The following DHX9 variants were observed in gnomAD, a reference collection of about 807,000 sequenced individuals.
DHX9 encodes ATP-dependent RNA helicase A.
A neutral mutation model predicts 148.7 loss-of-function variants in DHX9; 27 were observed. The observed-to-expected ratio is 0.18, with a 90% confidence interval of 0.13 to 0.25. The LOEUF (loss-of-function observed/expected upper bound fraction) is 0.25. DHX9 is among the 10% of genes least tolerant of loss of function. The probability of loss-of-function intolerance (pLI) is 1.00; values close to 1 mark genes in which losing one functional copy is unlikely to be tolerated. For synonymous variants in DHX9, 529 were observed against 516.6 expected, an observed-to-expected ratio of 1.02 and a Z score of -0.33; for missense variants, 796 against 1,559.6, an observed-to-expected ratio of 0.51 and a Z score of 8.25.
intron 12 of DHX9, among the ~76,000 whole-genome samples, chr1:182,862,126 G>A (rs759396435): frequency 7.2e-5 from 11 of 152,178 alleles, no homozygotes; most frequent in Non-Finnish European, 1.3e-4. Context: ...TACTACCACT[G>A]TTGAATCATT....
chr1:182,878,577 T>A (rs1303079616), intron 20 of DHX9, among the ~76,000 whole-genome samples: 1 of 152,240 alleles, frequency 6.6e-6, no homozygotes. Context: ...GAACAGTGTA[T>A]GGCACATCAT....
intron 1 of DHX9, 41 bp from the exon 2 acceptor site, chr1:182,842,504 C>T: frequency 1.7e-6 from 2 of 1,185,766 alleles, no homozygotes; most frequent in East Asian, 5.1e-5. Flanking sequence ...CCAGTTTTTG[C>T]TATTATAAAT....
At chr1:182,851,624 TC>T (rs1668152347) in intron 3 of DHX9, among the ~76,000 whole-genome samples, 1 of 152,040 alleles carries the variant, frequency 6.6e-6, no homozygotes, top group South Asian at 2.1e-4. Context: ...AGATCTCAGT[TC>T]TTCATCCTAA....
At chr1:182,884,978 CAG>C (rs1649259820) in intron 27 of DHX9, among the ~76,000 whole-genome samples, 165 bp downstream of exon 27, 1 of 152,104 alleles carries the variant, frequency 6.6e-6, no homozygotes. Context: ...CTAACATACT[CAG>C]AACAAAGAAT....
At position 182,852,340 on chromosome 1, in the gene DHX9, A is replaced by C. The variant is rs1668168286; in HGVS notation, c.360A>C (p.Lys120Asn). 1.2e-6 allele frequency: 2 copies of C among 1,607,358 alleles called. No homozygotes were observed. The highest frequency in any genetic ancestry group is 1.7e-6 in the Non-Finnish European group (2 of 1,175,820). The change falls in exon 4 of 28, where the codon AAA becomes AAC. Residue 120 changes from lysine (K) to asparagine (N), a missense_variant. By Grantham distance (94) the Lys-to-Asn change is moderately conservative (BLOSUM62 0). Coordinates refer to ENST00000367549, the MANE Select transcript of DHX9 (RefSeq NM_001357.5). ...CTCTTCCTCCACATCTGGCTCTCAA[A>C]GCAGGTAAGGGACTTGAATCCATGC... ...GGPLPPHLAL[K>N]AENNSEVGAS... is the part of the protein sequence containing the mutation.
chr1:182,853,434 T>G lies in DHX9; in HGVS notation c.477+16T>G. ...AGTGCAAGCGGTAAGGCCAGCACCG[T>G]AGGTTACATCTCTGAGAATGTGATT... On this transcript the variant is annotated intron_variant, in intron 5 of 27. Coordinates refer to ENST00000367549, the MANE Select transcript of DHX9 (RefSeq NM_001357.5). 1.9e-6 allele frequency: 3 copies of G among 1,569,678 alleles called. No individual in the cohort carries two copies. The highest frequency in any genetic ancestry group is 2.6e-6 in the Non-Finnish European group (3 of 1,144,082).
rs1176826407 is a variant in DHX9, at chr1:182,878,075, A to G, written c.2253A>G (p.Val751=). 1 of 1,614,250 alleles carries G rather than the reference A, an allele frequency of 6.2e-7. No homozygotes were observed. The highest frequency in any genetic ancestry group is 1.1e-5 in the South Asian group (1 of 91,088). The part of the protein sequence containing the change: ...AHNNMTNYAT[V]WASKTNLEQR... The stretch of plus-strand genomic sequence containing the variant: ...ACAATATGACCAACTATGCTACCGT[A>G]TGGGCATCAAAAACAAACCTTGAGC... Residue 751 remains valine (V), a synonymous_variant, in exon 20 of 28, where the codon GTA becomes GTG. Coordinates refer to ENST00000367549, the MANE Select transcript of DHX9 (RefSeq NM_001357.5).
chr1:182,843,534 A>G (rs1035739117), intron 3 of DHX9, 100 bp downstream of exon 3: 2 of 1,196,196 alleles, frequency 1.7e-6, no homozygotes, highest in Non-Finnish European at 2.2e-6. Flanking sequence ...CTGTTTTCAG[A>G]TATATCGTGT....
intron 15 of DHX9, among the ~76,000 whole-genome samples, 160 bp downstream of exon 15, chr1:182,872,653 A>T (rs1053975935): frequency 2.6e-5 from 4 of 152,196 alleles, no homozygotes; most frequent in African/African-American, 9.7e-5. Context: ...CTCTTCTGTT[A>T]TTTTATACAG....
intron 14 of DHX9, among the ~76,000 whole-genome samples, chr1:182,870,695 A>G (rs1648521718): frequency 6.6e-6 from 1 of 152,242 alleles, no homozygotes; most frequent in Non-Finnish European, 1.5e-5. Context: ...AGAGTTTTTC[A>G]TACACTGAAG....
At chr1:182,871,922 T>C (rs754355297) in intron 14 of DHX9, among the ~76,000 whole-genome samples, 18 of 152,152 alleles carry the variant, frequency 1.2e-4, no homozygotes, top group Non-Finnish European at 2.4e-4. Context: ...TTATCCTGCC[T>C]CAGTCTCCTG....
intron 14 of DHX9, among the ~76,000 whole-genome samples, chr1:182,868,112 A>G (rs1648382242): frequency 6.6e-6 from 1 of 152,240 alleles, no homozygotes; most frequent in African/African-American, 2.4e-5. Flanking sequence ...TAGGAGTTGT[A>G]TGCCAGGAAA....
At chr1:182,855,488 A>G (rs1668237964) in intron 6 of DHX9, 1 of 928,230 alleles carries the variant, frequency 1.1e-6, no homozygotes. Context: ...GTCTGTGTTC[A>G]TACACACATG....
At chr1:182,878,659 G>A (rs1038543522) in intron 20 of DHX9, among the ~76,000 whole-genome samples, 1 of 152,120 alleles carries the variant, frequency 6.6e-6, no homozygotes, top group African/African-American at 2.4e-5. Context: ...GAAATGCTTG[G>A]GACCAGAAGT....
chr1:182,849,420 T>C (rs1332047014), intron 3 of DHX9, among the ~76,000 whole-genome samples: 2 of 152,216 alleles, frequency 1.3e-5, no homozygotes, highest in Non-Finnish European at 2.9e-5. Context: ...AAAAAAAGTA[T>C]TATAATCAAA....
At chr1:182,870,064 TACAC>T (rs1300279238) in intron 14 of DHX9, among the ~76,000 whole-genome samples, 1 of 152,320 alleles carries the variant, frequency 6.6e-6, no homozygotes, top group African/African-American at 2.4e-5. Context: ...TTTTTATACT[TACAC>T]AAATAACTAG....
intron 14 of DHX9, among the ~76,000 whole-genome samples, chr1:182,871,325 C>G (rs1648545840): frequency 6.6e-6 from 1 of 152,102 alleles, no homozygotes; most frequent in Non-Finnish European, 1.5e-5. Flanking sequence ...ATCTAGATCA[C>G]AACAAGACAC....
At chr1:182,845,588 A>T (rs556554561) in intron 3 of DHX9, among the ~76,000 whole-genome samples, 1 of 152,188 alleles carries the variant, frequency 6.6e-6, no homozygotes, top group Non-Finnish European at 1.5e-5. Flanking sequence ...CTCCAGTTCA[A>T]CTCTGACACT....
chr1:182,882,795 G>T (rs1416157247), intron 24 of DHX9, among the ~76,000 whole-genome samples: 1 of 151,478 alleles, frequency 6.6e-6, no homozygotes. Context: ...AACCCGGGAG[G>T]CAGAGCTTGC....
Sources: gnomAD v4.1 joint callset for allele counts (sites outside exome capture counted in the v4.1 genomes callset) on GRCh38, gnomAD v4.1.1 for gene constraint, MANE v1.5 for transcripts, NCBI Gene and HGNC (gene_info 2026-07-23, HGNC 2026-07-21) for gene names.